The following ALMS1 variants were observed in gnomAD, a reference collection of about 807,000 sequenced individuals.
ALMS1 encodes centrosome-associated protein ALMS1.
ALMS1 carries 271 observed loss-of-function variants against 352.2 expected under a neutral mutation model. That is an observed-to-expected ratio of 0.77 (90% CI 0.70 to 0.85). The LOEUF (loss-of-function observed/expected upper bound fraction) is 0.85, where lower values mean the gene tolerates loss of function less well. Ranked by LOEUF, ALMS1 falls within the 40% of genes least tolerant of loss-of-function variation. ALMS1 has a pLI of 0.00. For synonymous variants in ALMS1, 1,865 were observed against 1,761.2 expected (o/e 1.06, Z -1.48); for missense variants, 5,445 against 4,870.7 (o/e 1.12, Z -3.51).
chr2:73,395,861 C>T (rs960363545), intron 1 of ALMS1, among the ~76,000 whole-genome samples: 2 of 151,896 alleles, frequency 1.3e-5, no homozygotes, highest in African/African-American at 4.8e-5. Flanking sequence ...CTTTTTTATT[C>T]CTGATCTTAG....
Position 73,450,813 on chromosome 2 carries a change from A to C in ALMS1, c.4286A>C (p.Tyr1429Ser), listed in dbSNP as rs763136053. Residue 1429 changes from tyrosine (Y) to serine (S), a missense_variant, in exon 8 of 23, where the codon TAC becomes TCC. Coordinates refer to ENST00000613296, the MANE Select transcript of ALMS1 (RefSeq NM_001378454.1). ...ATACCAACTTTACCCTCTACTTTCT[A>C]CTCACACACAGAGAAGCCTGGTAGT... ...TGIPTLPSTFYSHTEKPGSFY... is the reference protein window; with the variant it reads ...TGIPTLPSTFSSHTEKPGSFY... 1 of 1,612,806 alleles carries C rather than the reference A, an allele frequency of 6.2e-7. No individual in the cohort carries two copies. Among genetic ancestry groups the C allele is most frequent in the South Asian group, 1.1e-5 (1 of 91,020 alleles).
chr2:73,493,731 T>A (rs1054244283), intron 10 of ALMS1, among the ~76,000 whole-genome samples: 1 of 151,846 alleles, frequency 6.6e-6, no homozygotes. Flanking sequence ...AAAAAAAAAA[T>A]TTATAAAGTA....
chr2:73,537,256 C>T (rs773248931), intron 12 of ALMS1, among the ~76,000 whole-genome samples: 150 of 152,222 alleles, frequency 9.9e-4, no homozygotes, highest in Non-Finnish European at 1.7e-3. Context: ...AAAGTAACAC[C>T]CGAGGATAAG....
intron 1 of ALMS1, among the ~76,000 whole-genome samples, chr2:73,392,139 A>G (rs1330194649): frequency 6.6e-6 from 1 of 151,698 alleles, no homozygotes; most frequent in Non-Finnish European, 1.5e-5. Context: ...TTTATTTTTC[A>G]TTCAAGGACA....
intron 10 of ALMS1, among the ~76,000 whole-genome samples, chr2:73,509,463 A>G (rs1673404654): frequency 6.6e-6 from 1 of 152,138 alleles, no homozygotes; most frequent in African/African-American, 2.4e-5. Flanking sequence ...GGTGGTGACA[A>G]AATCCCTCAG....
chr2:73,440,273 G>A (rs1002381830), intron 7 of ALMS1, among the ~76,000 whole-genome samples: 1 of 151,696 alleles, frequency 6.6e-6, no homozygotes, highest in Non-Finnish European at 1.5e-5. Flanking sequence ...GTGAGCCAAT[G>A]CACCCGGCCC....
intron 1 of ALMS1, among the ~76,000 whole-genome samples, chr2:73,395,559 G>A (rs967562085): frequency 1.3e-5 from 2 of 151,918 alleles, no homozygotes; most frequent in African/African-American, 4.8e-5. Context: ...ATTGTCAGTG[G>A]AATTATTTTT....
At position 73,386,283 on chromosome 2, in the gene ALMS1, C is replaced by T. The variant is rs543499940; in HGVS notation, c.324+91C>T. The T allele has an allele frequency of 9.9e-6, 14 of 1,408,674 alleles. No homozygotes were observed. The African/African-American group carries it at 1.7e-4, about 17-fold the overall frequency. 87.3% of individuals were successfully genotyped at this position (1,408,674 alleles called of 1,614,324 possible). On this transcript the variant is annotated intron_variant, in intron 1 of 22. Transcript: ENST00000613296. The stretch of plus-strand genomic sequence containing the variant: ...CTCCGCCCGCCCGCAGGTCACGCCG[C>T]CTGACGGAGAAAACGCGCGCAGCTG...
In ALMS1 at chr2:73,559,074, A is replaced by G. The variant is rs139425340; in HGVS notation, c.10316A>G (p.His3439Arg). The G allele has an allele frequency of 1.1e-5, 17 of 1,614,088 alleles. No homozygotes were observed. Among genetic ancestry groups the G allele is most frequent in the East Asian group, 2.2e-5 (1 of 44,858 alleles). The change falls in exon 15 of 23, where the codon CAT becomes CGT. Residue 3439 changes from histidine to arginine, a missense_variant. Physicochemically the swap from His to Arg is conservative, Grantham distance 29. Coordinates refer to ENST00000613296, the MANE Select transcript of ALMS1 (RefSeq NM_001378454.1). Reference protein sequence around the residue: ...TKAITQKEEIHRKKTVPEEAW... With the variant: ...TKAITQKEEIRRKKTVPEEAW... ...GCCATTACACAGAAAGAGGAGATCC[A>G]TAGGAAGAAGACAGTTCCCGAGGAA...
intron 15 of ALMS1, among the ~76,000 whole-genome samples, chr2:73,562,437 A>G (rs939909584): frequency 2.0e-5 from 3 of 152,216 alleles, no homozygotes; most frequent in Admixed American, 2.0e-4. Flanking sequence ...AAGAAAAAGA[A>G]TGAATCATGC....
At chr2:73,458,222 C>T (rs1163984962) in intron 9 of ALMS1, 2 of 151,988 alleles carry the variant, frequency 1.3e-5, no homozygotes, top group African/African-American at 4.8e-5. Flanking sequence ...TTAGGGAACC[C>T]ATATTGGCCA....
intron 1 of ALMS1, among the ~76,000 whole-genome samples, chr2:73,404,318 T>C (rs981787821): frequency 6.6e-6 from 1 of 152,204 alleles, no homozygotes; most frequent in Non-Finnish European, 1.5e-5. Context: ...CAGTGCTATG[T>C]TGAGTAGAAG....
rs201451396 is a variant in ALMS1, at chr2:73,449,603, G to C, written c.3076G>C (p.Ala1026Pro). ...GCCAGATAGTTATGCAACTGAAAAG[G>C]CTCTGAAAGTTTCAACTGGCCCTGG... ...EWPDSYATEK[A>P]LKVSTGPGPA... The change falls in exon 8 of 23, where the codon GCT becomes CCT. Residue 1026 changes from alanine (A) to proline (P), a missense_variant. Transcript: ENST00000613296. 22 of 1,613,882 alleles carry C rather than the reference G, an allele frequency of 1.4e-5. No individual in the cohort carries two copies. Among genetic ancestry groups the C allele is most frequent in the Non-Finnish European group, 5.1e-6 (6 of 1,179,968 alleles).
intron 13 of ALMS1, among the ~76,000 whole-genome samples, chr2:73,552,922 C>T (rs1019460866): frequency 2.0e-5 from 3 of 151,992 alleles, no homozygotes; most frequent in African/African-American, 7.2e-5. Flanking sequence ...TTTTAAAATT[C>T]AAGATTGTCC....
intron 19 of ALMS1, 48 bp downstream of exon 19, chr2:73,601,484 G>T (rs199738279): frequency 2.5e-6 from 4 of 1,600,284 alleles, no homozygotes; most frequent in Non-Finnish European, 3.4e-6. Flanking sequence ...GGGAGAAGAA[G>T]GGCAAGGCGC....
At position 73,471,493 on chromosome 2, in the gene ALMS1, C is replaced by CAAAAAAA. The variant is rs58688820; in HGVS notation, c.7674+16209_7674+16215dup. Among the ~76,000 whole-genome samples the CAAAAAAA allele has an allele frequency of 4.9e-3, 557 of 113,200 alleles. 3 individuals are homozygous for CAAAAAAA. Among genetic ancestry groups the CAAAAAAA allele is most frequent in the African/African-American group, 0.015 (399 of 25,914 alleles). The allele number at this position is 113,200 out of a possible 152,430, so 74.3% of individuals were successfully genotyped here. On this transcript the variant is annotated intron_variant, in intron 9 of 22. Coordinates refer to ENST00000613296, the MANE Select transcript of ALMS1 (RefSeq NM_001378454.1). ...TAAGGAACACCTGCAACTCAACAGC[C>CAAAAAAA]AAAAAAAAAAAAAAAAATCCCCAAA...
At chr2:73,480,164 G>T (rs1672665072) in intron 9 of ALMS1, among the ~76,000 whole-genome samples, 3 of 151,886 alleles carry the variant, frequency 2.0e-5, no homozygotes, top group Non-Finnish European at 2.9e-5. Flanking sequence ...CCATGCTGGT[G>T]TGCTGCACCC....
intron 16 of ALMS1, among the ~76,000 whole-genome samples, chr2:73,598,579 A>G (rs992156895): frequency 6.6e-6 from 1 of 152,102 alleles, no homozygotes; most frequent in Non-Finnish European, 1.5e-5. Context: ...TCAGTTTCCT[A>G]TCCTTACCCT....
At chr2:73,606,576 G>A (rs1675823228) in intron 21 of ALMS1, among the ~76,000 whole-genome samples, 1 of 152,172 alleles carries the variant, frequency 6.6e-6, no homozygotes, top group African/African-American at 2.4e-5. Context: ...TTTTTAAACT[G>A]TTTTTAAACT....
Sources: gnomAD v4.1 joint callset for allele counts (sites outside exome capture counted in the v4.1 genomes callset) on GRCh38, gnomAD v4.1.1 for gene constraint, MANE v1.5 for transcripts, NCBI Gene and HGNC (gene_info 2026-07-23, HGNC 2026-07-21) for gene names.